ADAMTSL1: variants seen among roughly 807,000 people sequenced by gnomAD.
The protein encoded by ADAMTSL1 is ADAMTS-like protein 1.
In ADAMTSL1, 126 loss-of-function variants were observed where a neutral mutation model predicts 201.8. The observed-to-expected ratio is 0.62, with a 90% CI of 0.54 to 0.72. The LOEUF is 0.72. Among genes scored for constraint, ADAMTSL1 ranks in the 30% least tolerant of loss-of-function variants. The pLI, the probability that ADAMTSL1 is intolerant of heterozygous loss-of-function variation, is 0.00. For missense variants in ADAMTSL1, 2,679 were observed against 2,277.8 expected, an observed-to-expected ratio of 1.18 and a Z score of -3.59; for synonymous variants, 1,121 against 903.4, an observed-to-expected ratio of 1.24 and a Z score of -4.32.
chr9:18,762,248 A>G (rs1588061901), intron 16 of ADAMTSL1, among the ~76,000 whole-genome samples: 1 of 152,304 alleles, frequency 6.6e-6, no homozygotes, highest in East Asian at 1.9e-4. Context: ...GCCCTTATAG[A>G]AGAGATAAGA....
At chr9:18,324,465 A>G (rs1209511343) in intron 2 of ADAMTSL1, among the ~76,000 whole-genome samples, 7 of 152,042 alleles carry the variant, frequency 4.6e-5, no homozygotes. Context: ...AAAAATGAAA[A>G]AATAACACAC....
intron 4 of ADAMTSL1, among the ~76,000 whole-genome samples, chr9:18,592,465 T>A (rs1796633219): frequency 6.6e-6 from 1 of 152,200 alleles, no homozygotes; most frequent in Admixed American, 6.5e-5. Context: ...CATTGAGTTA[T>A]TTTGCAACTT....
At chr9:18,359,929 G>T (rs1836442720) in intron 2 of ADAMTSL1, among the ~76,000 whole-genome samples, 2 of 149,470 alleles carry the variant, frequency 1.3e-5, no homozygotes, top group African/African-American at 4.9e-5. Flanking sequence ...ACCACTCTGA[G>T]CCTCATCAGT....
At chr9:18,449,438 G>C (rs931871525) in intron 2 of ADAMTSL1, among the ~76,000 whole-genome samples, 3 of 151,896 alleles carry the variant, frequency 2.0e-5, no homozygotes, top group Non-Finnish European at 4.4e-5. Flanking sequence ...CTTAACATAT[G>C]ACTATTAATT....
intron 9 of ADAMTSL1, among the ~76,000 whole-genome samples, chr9:18,674,115 G>T (rs1829992088): frequency 6.6e-6 from 1 of 151,856 alleles, no homozygotes; most frequent in Non-Finnish European, 1.5e-5. Context: ...ATTCTTGTGT[G>T]AAGAACTGTG....
intron 2 of ADAMTSL1, among the ~76,000 whole-genome samples, chr9:18,210,038 T>C (rs1829803561): frequency 6.6e-6 from 1 of 152,128 alleles, no homozygotes; most frequent in Non-Finnish European, 1.5e-5. Flanking sequence ...GTGGGCTACA[T>C]TGCTATCTCA....
At chr9:18,866,594 A>AGGT in intron 23 of ADAMTSL1, among the ~76,000 whole-genome samples, 1 of 152,228 alleles carries the variant, frequency 6.6e-6, no homozygotes, top group Non-Finnish European at 1.5e-5. Context: ...CATGCTTATT[A>AGGT]GAAGCACATT....
At chr9:18,181,897 A>C (rs1349953144) in intron 2 of ADAMTSL1, among the ~76,000 whole-genome samples, 1 of 152,232 alleles carries the variant, frequency 6.6e-6, no homozygotes, top group Non-Finnish European at 1.5e-5. Context: ...CAAATGTCCA[A>C]CAAAGATAGA....
intron 1 of ADAMTSL1, among the ~76,000 whole-genome samples, chr9:17,962,128 C>A (rs1221657769): frequency 6.6e-6 from 1 of 152,142 alleles, no homozygotes; most frequent in Non-Finnish European, 1.5e-5. Context: ...GTCCTAATTC[C>A]AGTTCCACTT....
chr9:18,607,230 T>C (rs1041403866), intron 4 of ADAMTSL1, among the ~76,000 whole-genome samples: 10 of 152,204 alleles, frequency 6.6e-5, no homozygotes, highest in Non-Finnish European at 1.2e-4. Context: ...GGAACATGCC[T>C]GCACCTACAG....
intron 1 of ADAMTSL1, among the ~76,000 whole-genome samples, chr9:18,141,117 C>G (rs144685445): frequency 6.6e-6 from 1 of 152,148 alleles, no homozygotes. Context: ...GCCCTGGGCT[C>G]GAAGCTAGTA....
chr9:17,941,875 A>C (rs1408897449), intron 1 of ADAMTSL1, among the ~76,000 whole-genome samples: 1 of 152,192 alleles, frequency 6.6e-6, no homozygotes, highest in East Asian at 1.9e-4. Context: ...TGCTTCATAG[A>C]AGGCTGGCTT....
At chr9:18,800,178 A>T (rs1363016937) in intron 20 of ADAMTSL1, among the ~76,000 whole-genome samples, 3 of 152,026 alleles carry the variant, frequency 2.0e-5, no homozygotes, top group Non-Finnish European at 4.4e-5. Flanking sequence ...GGAGTTTGAG[A>T]CCAGCCTGGC....
chr9:18,575,474 A>G (rs1191841151), intron 4 of ADAMTSL1, among the ~76,000 whole-genome samples: 1 of 152,230 alleles, frequency 6.6e-6, no homozygotes, highest in Non-Finnish European at 1.5e-5. Context: ...TATTCAATCA[A>G]CATTCTAAAA....
At chr9:18,409,383 CAAAAAAAAA>C (rs781106126) in intron 2 of ADAMTSL1, among the ~76,000 whole-genome samples, 6 of 77,202 alleles carry the variant, frequency 7.8e-5, no homozygotes, top group South Asian at 4.7e-4. Flanking sequence ...AACTCCGTCT[CAAAAAAAAA>C]AAAAAAAAAA....
intron 13 of ADAMTSL1, among the ~76,000 whole-genome samples, chr9:18,694,128 C>A (rs946289305): frequency 2.6e-5 from 4 of 152,096 alleles, no homozygotes; most frequent in Admixed American, 2.0e-4. Context: ...TGAGAACTCA[C>A]CATCACGAGA....
At chr9:18,287,589 A>G (rs1010743417) in intron 2 of ADAMTSL1, among the ~76,000 whole-genome samples, 2 of 139,168 alleles carry the variant, frequency 1.4e-5, no homozygotes, top group Admixed American at 1.4e-4. Context: ...ATATGTGTAT[A>G]TATACACACA....
At position 18,580,750 on chromosome 9, in the gene ADAMTSL1, A is replaced by T. The variant is rs558094683; in HGVS notation, c.474+6484A>T. On this transcript the variant is annotated intron_variant, in intron 4 of 28. Coordinates refer to ENST00000380548, the MANE Select transcript of ADAMTSL1 (RefSeq NM_001040272.6). ...TATATTTGTCTAACAAATTTTACTT[A>T]GGAATTAACAGTATGCTAAATACTG... 4.6e-5 allele frequency among the ~76,000 whole-genome samples: 7 copies of T among 152,330 alleles called. No individual in the cohort carries two copies. In the South Asian group the frequency reaches 1.4e-3, roughly 32 times the overall value.
At chr9:18,593,569 A>G (rs1824059883) in intron 4 of ADAMTSL1, among the ~76,000 whole-genome samples, 1 of 151,954 alleles carries the variant, frequency 6.6e-6, no homozygotes, top group Admixed American at 6.6e-5. Context: ...AGTACTGCTT[A>G]TACTGTATCC....
Sources: allele counts gnomAD v4.1 joint callset (sites outside exome capture counted in the v4.1 genomes callset), GRCh38; gene constraint gnomAD v4.1.1; transcripts MANE v1.5; gene names NCBI Gene and HGNC (gene_info 2026-07-23, HGNC 2026-07-21).